PTPRD: variants seen among roughly 807,000 people sequenced by gnomAD.
The protein encoded by PTPRD is receptor-type tyrosine-protein phosphatase delta.
In PTPRD, 34 loss-of-function variants were observed where a neutral mutation model predicts 214.5. The ratio of observed to expected loss-of-function variants is 0.16; its 90% CI spans 0.12 to 0.21. PTPRD has a LOEUF of 0.21. Among genes scored for constraint, PTPRD ranks in the 10% least tolerant of loss-of-function variants. The probability of loss-of-function intolerance (pLI) is 1.00; values close to 1 mark genes in which losing one functional copy is unlikely to be tolerated. For missense variants in PTPRD, 2,545 were observed against 2,398.7 expected, an observed-to-expected ratio of 1.06 and a Z score of -1.27; for synonymous variants, 1,128 against 845.7, an observed-to-expected ratio of 1.33 and a Z score of -5.79.
chr9:10,198,065 C>T (rs1019651630), intron 3 of PTPRD, among the ~76,000 whole-genome samples: 2 of 152,018 alleles, frequency 1.3e-5, no homozygotes, highest in Non-Finnish European at 2.9e-5. Flanking sequence ...TTAAAAGCTT[C>T]TCTATTAAAT....
At chr9:10,220,584 C>T (rs1254112838) in intron 3 of PTPRD, among the ~76,000 whole-genome samples, 1 of 151,880 alleles carries the variant, frequency 6.6e-6, no homozygotes, top group Non-Finnish European at 1.5e-5. Context: ...GACAGCTGTC[C>T]TGTTACAATT....
intron 3 of PTPRD, among the ~76,000 whole-genome samples, chr9:10,203,595 G>A (rs929151666): frequency 7.2e-5 from 11 of 152,188 alleles, no homozygotes; most frequent in South Asian, 6.2e-4. Flanking sequence ...ACAGACAAGG[G>A]GCTAGATAAG....
intron 10 of PTPRD, among the ~76,000 whole-genome samples, chr9:9,043,874 A>G (rs954120886): frequency 6.6e-6 from 1 of 151,996 alleles, no homozygotes; most frequent in African/African-American, 2.4e-5. Flanking sequence ...ACTGTACTCC[A>G]GCCTGGGTGA....
At position 8,535,635 on chromosome 9, in the gene PTPRD, T is replaced by C. The variant is rs566807777; in HGVS notation, c.353-6856A>G. Reference sequence around the variant, plus strand: ...GAAGGGGCATTAAGTATTCCTCATCTTGGGGAGTAGGTCATGTTAAGAAGG... The same window carrying C: ...GAAGGGGCATTAAGTATTCCTCATCCTGGGGAGTAGGTCATGTTAAGAAGG... On this transcript the variant is annotated intron_variant, in intron 14 of 45. Transcript: ENST00000381196. Among the ~76,000 whole-genome samples the C allele has an allele frequency of 1.5e-3, 224 of 152,068 alleles. 1 individual carries two copies. The highest frequency in any genetic ancestry group is 5.1e-3 in the African/African-American group (211 of 41,558).
intron 9 of PTPRD, among the ~76,000 whole-genome samples, chr9:9,211,822 T>A (rs942467425): frequency 6.6e-6 from 1 of 152,092 alleles, no homozygotes; most frequent in Non-Finnish European, 1.5e-5. Context: ...TTTTTCATTT[T>A]GAAATTAAAG....
intron 5 of PTPRD, among the ~76,000 whole-genome samples, chr9:9,772,156 C>G (rs2098756972): frequency 6.6e-6 from 1 of 151,800 alleles, no homozygotes; most frequent in Admixed American, 6.6e-5. Context: ...GACTGGTGTC[C>G]TTAAAGAGGA....
At chr9:10,551,412 G>A (rs2061329131) in intron 2 of PTPRD, among the ~76,000 whole-genome samples, 1 of 152,082 alleles carries the variant, frequency 6.6e-6, no homozygotes, top group South Asian at 2.1e-4. Flanking sequence ...TGGTTTGAAT[G>A]TCTATGTTCC....
At chr9:8,603,452 G>A (rs2094994592) in intron 14 of PTPRD, among the ~76,000 whole-genome samples, 1 of 152,162 alleles carries the variant, frequency 6.6e-6, no homozygotes, top group Non-Finnish European at 1.5e-5. Flanking sequence ...TATTTACTTT[G>A]TAACACTGGA....
chr9:10,310,345 C>A (rs75979116), intron 3 of PTPRD, among the ~76,000 whole-genome samples: 5,867 of 152,020 alleles, frequency 0.039, 392 homozygotes, highest in African/African-American at 0.13. Context: ...CCCCTGCCAA[C>A]TGATACAAAA....
intron 3 of PTPRD, among the ~76,000 whole-genome samples, chr9:10,275,336 C>G (rs1322445485): frequency 1.3e-5 from 2 of 151,990 alleles, no homozygotes; most frequent in Non-Finnish European, 2.9e-5. Context: ...CTGAGATGTG[C>G]TATTTTCAAG....
At chr9:10,504,043 G>A (rs527789111) in intron 2 of PTPRD, among the ~76,000 whole-genome samples, 2 of 140,516 alleles carry the variant, frequency 1.4e-5, no homozygotes, top group African/African-American at 2.6e-5. Context: ...GTGAACCCGG[G>A]AGGCAGAGCT....
At chr9:8,964,898 T>C (rs769372691) in intron 11 of PTPRD, among the ~76,000 whole-genome samples, 4 of 152,172 alleles carry the variant, frequency 2.6e-5, no homozygotes, top group Admixed American at 6.6e-5. Flanking sequence ...TATTTCACTG[T>C]TGTCCAAGAG....
intron 36 of PTPRD, among the ~76,000 whole-genome samples, chr9:8,390,806 T>G (rs1185741386): frequency 6.6e-6 from 1 of 152,134 alleles, no homozygotes. Context: ...AAAGAATGCA[T>G]ATTATAGCCT....
intron 5 of PTPRD, among the ~76,000 whole-genome samples, chr9:9,849,417 A>C (rs2060133858): frequency 6.6e-6 from 1 of 152,174 alleles, no homozygotes; most frequent in Non-Finnish European, 1.5e-5. Flanking sequence ...AAAGCTACTG[A>C]TTAACTTTAC....
chr9:9,899,067 C>G (rs528755436), intron 5 of PTPRD, among the ~76,000 whole-genome samples: 1 of 152,042 alleles, frequency 6.6e-6, no homozygotes, highest in Non-Finnish European at 1.5e-5. Flanking sequence ...GGTCAATACA[C>G]AAAAGTCAAT....
At chr9:8,414,517 T>TC (rs2093755351) in intron 35 of PTPRD, among the ~76,000 whole-genome samples, 1 of 152,032 alleles carries the variant, frequency 6.6e-6, no homozygotes, top group East Asian at 1.9e-4. Flanking sequence ...ACAGTTGTGC[T>TC]CCCCAAAGAT....
rs745844031 is a variant in PTPRD, at chr9:9,811,134, A to G, written c.-367-44283T>C. On this transcript the variant is annotated intron_variant, in intron 5 of 45. Transcript: ENST00000381196. ...ACACCTATAATTCCAGCTACTCAGG[A>G]GGCTGAGGCAAGAGAGCCGAGATTG... Among the ~76,000 whole-genome samples, 10 of 152,216 alleles carry G rather than the reference A, an allele frequency of 6.6e-5. 1 individual carries two copies. The highest frequency in any genetic ancestry group is 3.4e-3 in the Middle Eastern group (1 of 294).
intron 10 of PTPRD, among the ~76,000 whole-genome samples, chr9:9,122,757 C>G (rs751003021): frequency 5.9e-5 from 9 of 152,154 alleles, no homozygotes; most frequent in Non-Finnish European, 1.0e-4. Flanking sequence ...TACCCATACT[C>G]TCATCTAATG....
rs561500572 is a variant in PTPRD at position 8,992,089 on chromosome 9, G to C, written c.-104+26608C>G. ...ATTTACCTTCCTTTAATAGTCTCCT[G>C]TTTGGCGGCCCAAACAAGGACTCTG... On this transcript the variant is annotated intron_variant, in intron 11 of 45. Coordinates refer to ENST00000381196, the MANE Select transcript of PTPRD (RefSeq NM_002839.4). Among the ~76,000 whole-genome samples the C allele has an allele frequency of 2.0e-5, 3 of 152,030 alleles. No individual in the cohort carries two copies. In the South Asian group the frequency reaches 6.2e-4, roughly 32 times the overall value.
Sources: allele counts gnomAD v4.1 joint callset (sites outside exome capture counted in the v4.1 genomes callset), GRCh38; gene constraint gnomAD v4.1.1; transcripts MANE v1.5; gene names NCBI Gene and HGNC (gene_info 2026-07-23, HGNC 2026-07-21).